Variants in LRRTM4 observed in about 807,000 individuals in gnomAD.
LRRTM4 encodes the protein leucine rich repeat transmembrane neuronal 4, also known as leucine-rich repeat transmembrane neuronal protein 4.
LRRTM4 carries 25 observed loss-of-function variants against 47.6 expected under a neutral mutation model. That is an observed-to-expected ratio of 0.53 (90% CI 0.38 to 0.73). LRRTM4 has a LOEUF of 0.73. Ranked by LOEUF, LRRTM4 falls within the 30% of genes least tolerant of loss-of-function variation. LRRTM4 has a pLI of 0.00. For missense variants in LRRTM4, 638 were observed against 713.4 expected (o/e 0.89, Z 1.20); for synonymous variants, 311 against 269.5 (o/e 1.15, Z -1.51).
intron 3 of LRRTM4, among the ~76,000 whole-genome samples, chr2:77,350,662 A>T (rs536010620): frequency 1.3e-5 from 2 of 152,290 alleles, no homozygotes; most frequent in South Asian, 4.1e-4. Context: ...ACCAGCAAGC[A>T]ATCCTTTATA....
rs1002283789 is a variant in LRRTM4 at position 77,305,075 on chromosome 2, T to C, written c.1551+213243A>G. Among the ~76,000 whole-genome samples, 19 of 152,026 alleles carry C rather than the reference T, an allele frequency of 1.2e-4. 1 individual carries two copies. Among genetic ancestry groups the C allele is most frequent in the Admixed American group, 4.6e-4 (7 of 15,256 alleles). On this transcript the variant is annotated intron_variant, in intron 3 of 3. Transcript: ENST00000409884. ...AGAAAAAGAAACATTTTAATGCACA[T>C]TAATCTCTGAGAATGTTGGACTATA...
intron 3 of LRRTM4, among the ~76,000 whole-genome samples, chr2:77,085,455 G>C (rs958946430): frequency 1.1e-4 from 17 of 149,656 alleles, no homozygotes; most frequent in Admixed American, 1.1e-3. Context: ...CTAAATAAAA[G>C]ACAGATTAAC....
At chr2:77,184,798 C>T (rs917928132) in intron 3 of LRRTM4, among the ~76,000 whole-genome samples, 4 of 152,048 alleles carry the variant, frequency 2.6e-5, no homozygotes, top group African/African-American at 9.7e-5. Flanking sequence ...ATATTTGGTC[C>T]TATGCTATTA....
intron 3 of LRRTM4, among the ~76,000 whole-genome samples, chr2:76,775,193 C>T (rs549163113): frequency 1.3e-5 from 2 of 152,242 alleles, no homozygotes; most frequent in South Asian, 4.1e-4. Context: ...TTGTTTTGGG[C>T]TTGATGGCTT....
At chr2:77,205,101 C>A (rs750080004) in intron 3 of LRRTM4, among the ~76,000 whole-genome samples, 3 of 152,088 alleles carry the variant, frequency 2.0e-5, no homozygotes, top group Non-Finnish European at 2.9e-5. Context: ...TTTCCAGTGC[C>A]GGAAGAAGGC....
intron 3 of LRRTM4, among the ~76,000 whole-genome samples, chr2:76,933,107 GCAAGT>G (rs927148978): frequency 5.9e-5 from 9 of 152,100 alleles, no homozygotes; most frequent in African/African-American, 1.7e-4. Flanking sequence ...GAACACAACA[GCAAGT>G]CAAGTTAGGA....
chr2:77,008,342 T>G (rs1677737609), intron 3 of LRRTM4, among the ~76,000 whole-genome samples: 1 of 152,152 alleles, frequency 6.6e-6, no homozygotes, highest in South Asian at 2.1e-4. Context: ...ATGTATTTTT[T>G]TAAATAAATT....
Position 76,912,828 on chromosome 2 carries a change from C to T in LRRTM4, c.1552-163912G>A, listed in dbSNP as rs149435087. On this transcript the variant is annotated intron_variant, in intron 3 of 3. Coordinates refer to ENST00000409884, the MANE Select transcript of LRRTM4 (RefSeq NM_001134745.3). ...CCTCCCCCACTCTCATCCTCCTGTG[C>T]TGGCCATGTGAGGTGCCTAGCTCAC... 5.0e-3 allele frequency among the ~76,000 whole-genome samples: 757 copies of T among 152,292 alleles called. 12 individuals carry two copies. Among genetic ancestry groups the T allele is most frequent in the African/African-American group, 0.017 (709 of 41,570 alleles).
chr2:76,866,793 C>A (rs1672482464), intron 3 of LRRTM4, among the ~76,000 whole-genome samples: 1 of 152,060 alleles, frequency 6.6e-6, no homozygotes. Context: ...GTAAATAATG[C>A]TGCAATAAAC....
intron 3 of LRRTM4, among the ~76,000 whole-genome samples, chr2:76,927,576 C>A (rs1480721509): frequency 6.6e-6 from 1 of 152,076 alleles, no homozygotes; most frequent in Non-Finnish European, 1.5e-5. Context: ...GTAAAAAAGC[C>A]AATACCTTTC....
chr2:76,848,875 T>C (rs1035889137), intron 3 of LRRTM4, among the ~76,000 whole-genome samples: 2 of 152,118 alleles, frequency 1.3e-5, no homozygotes, highest in African/African-American at 4.8e-5. Flanking sequence ...TTATGGAAGA[T>C]TCTGGAAACT....
chr2:77,418,893 G>T, intron 3 of LRRTM4, among the ~76,000 whole-genome samples: 1 of 152,046 alleles, frequency 6.6e-6, no homozygotes, highest in East Asian at 1.9e-4. Context: ...GCATTTACAG[G>T]CTTCCACTAT....
At chr2:77,208,050 C>T (rs961570792) in intron 3 of LRRTM4, among the ~76,000 whole-genome samples, 45 of 151,346 alleles carry the variant, frequency 3.0e-4, no homozygotes, top group African/African-American at 9.9e-4. Flanking sequence ...AGCTAATTTT[C>T]GTATTTTTAG....
chr2:77,146,239 G>A lies in LRRTM4; in HGVS notation c.1551+372079C>T, dbSNP rs189805429. On this transcript the variant is annotated intron_variant, in intron 3 of 3. Coordinates refer to ENST00000409884, the MANE Select transcript of LRRTM4 (RefSeq NM_001134745.3). ...CTGTTACAATTGAGAATGTAAAGAC[G>A]GGGAACAGAATTATAGTCATGACAG... Among the ~76,000 whole-genome samples, 75 of 152,206 alleles carry A rather than the reference G, an allele frequency of 4.9e-4. No individual in the cohort carries two copies. In the East Asian group the frequency reaches 5.0e-3, roughly 10 times the overall value.
chr2:77,482,177 T>C (rs1428558799), intron 3 of LRRTM4, among the ~76,000 whole-genome samples: 6 of 150,232 alleles, frequency 4.0e-5, no homozygotes, highest in Non-Finnish European at 4.5e-5. Flanking sequence ...TGAATGACCA[T>C]AGAGGATTCT....
At chr2:76,917,049 A>G (rs1349457228) in intron 3 of LRRTM4, among the ~76,000 whole-genome samples, 1 of 152,138 alleles carries the variant, frequency 6.6e-6, no homozygotes, top group Admixed American at 6.5e-5. Context: ...TTGTTAATAC[A>G]TCCTTTTTGG....
At chr2:77,269,871 G>T (rs2104066438) in intron 3 of LRRTM4, among the ~76,000 whole-genome samples, 1 of 152,276 alleles carries the variant, frequency 6.6e-6, no homozygotes, top group South Asian at 2.1e-4. Flanking sequence ...GAAAGAGCTT[G>T]AACTAAACTC....
intron 3 of LRRTM4, among the ~76,000 whole-genome samples, chr2:76,775,540 T>TA (rs1285254041): frequency 6.6e-6 from 1 of 152,020 alleles, no homozygotes; most frequent in Non-Finnish European, 1.5e-5. Context: ...AGAATCAATT[T>TA]AAAAAAAGAG....
At chr2:77,080,088 T>G (rs576988784) in intron 3 of LRRTM4, among the ~76,000 whole-genome samples, 1 of 152,344 alleles carries the variant, frequency 6.6e-6, no homozygotes, top group South Asian at 2.1e-4. Flanking sequence ...AAAATTACTC[T>G]CATTAAACCC....
Sources: allele counts gnomAD v4.1 joint callset (sites outside exome capture counted in the v4.1 genomes callset), GRCh38; gene constraint gnomAD v4.1.1; transcripts MANE v1.5; gene names NCBI Gene and HGNC (gene_info 2026-07-23, HGNC 2026-07-21).